IHO1: variants seen among roughly 807,000 people sequenced by gnomAD.
IHO1 encodes the protein interactor of HORMAD1 1.
In IHO1, 13 loss-of-function variants were observed where a neutral mutation model predicts 31.0. The ratio of observed to expected loss-of-function variants is 0.42; its 90% CI spans 0.27 to 0.67. The LOEUF is 0.67. IHO1 is among the 30% of genes least tolerant of loss of function. IHO1 has a pLI of 0.24. For synonymous variants in IHO1, 221 were observed against 248.4 expected (o/e 0.89, Z 1.04); for missense variants, 599 against 687.5 (o/e 0.87, Z 1.44).
the IHO1 span, chr3:49,191,783 G>A: frequency 6.4e-7 from 1 of 1,553,866 alleles, no homozygotes; most frequent in Non-Finnish European, 8.6e-7. Flanking sequence ...TTTCCAAGAA[G>A]GGAGCAGAAA....
At chr3:49,201,036 C>G (rs527373220) in intron 1 of IHO1, among the ~76,000 whole-genome samples, 1 of 151,348 alleles carries the variant, frequency 6.6e-6, no homozygotes, top group Non-Finnish European at 1.5e-5. Flanking sequence ...CTTTGTTGCC[C>G]AGGCTGGAGT....
chr3:49,205,587 C>T (rs1575563557), intron 1 of IHO1, among the ~76,000 whole-genome samples: 1 of 151,242 alleles, frequency 6.6e-6, no homozygotes, highest in East Asian at 1.9e-4. Context: ...ACCACTATGC[C>T]TGGCCGTAAT....
upstream of IHO1, among the ~76,000 whole-genome samples, chr3:49,195,908 G>A (rs1445884778): frequency 6.6e-6 from 1 of 150,962 alleles, no homozygotes; most frequent in African/African-American, 2.4e-5. Flanking sequence ...AGACCATCCT[G>A]GCTAACACAG....
intron 1 of IHO1, among the ~76,000 whole-genome samples, chr3:49,209,648 G>T (rs911980678): frequency 6.6e-5 from 10 of 151,658 alleles, no homozygotes; most frequent in South Asian, 4.2e-4. Flanking sequence ...AAAAAAAAAG[G>T]CTTGTATTTC....
intron 1 of IHO1, among the ~76,000 whole-genome samples, chr3:49,200,887 G>C (rs892831137): frequency 4.6e-5 from 7 of 152,148 alleles, no homozygotes; most frequent in Admixed American, 4.6e-4. Context: ...AGCCTATACA[G>C]GTAGCATGGA....
chr3:49,257,569 G>A lies in IHO1; in HGVS notation c.*287G>A. On this transcript the variant is annotated 3_prime_UTR_variant, in exon 8 of 8. Coordinates refer to ENST00000452691, the MANE Select transcript of IHO1 (RefSeq NM_001135197.2). ...GTGGGGCATCTGGAGCAGGGTGCCTGTACTTTGGCGAAAGGCAGGCAGGCC... is the reference window on the plus strand; with the variant it reads ...GTGGGGCATCTGGAGCAGGGTGCCTATACTTTGGCGAAAGGCAGGCAGGCC... The A allele has an allele frequency of 2.8e-6, 1 of 353,942 alleles. No homozygotes were observed. The highest frequency in any genetic ancestry group is 5.2e-6 in the Non-Finnish European group (1 of 191,226). The allele number at this position is 353,942 out of a possible 1,614,324, so 21.9% of individuals were successfully genotyped here.
chr3:49,256,632 A>G lies in IHO1; in HGVS notation c.1135A>G (p.Ile379Val). Residue 379 changes from isoleucine (I) to valine (V), a missense_variant, in exon 8 of 8, where the codon ATT (isoleucine) becomes GTT (valine). Physicochemically the swap from Ile to Val is conservative, Grantham distance 29. Coordinates refer to ENST00000452691, the MANE Select transcript of IHO1 (RefSeq NM_001135197.2). This position sits in a 1 kb window ranked among gnomAD's most constrained non-coding sequence, Gnocchi z 4.6. ...TGGTTCCAGCGTCCCAGGCCATAAG[A>G]TTCCCAGTGACAGGGACCTGGTTTC... ...NHGSSVPGHKIPSDRDLVSQG... is the reference protein window; with the variant it reads ...NHGSSVPGHKVPSDRDLVSQG... 4 of 1,614,238 alleles carry G rather than the reference A, an allele frequency of 2.5e-6. No homozygotes were observed. Among genetic ancestry groups the G allele is most frequent in the Non-Finnish European group, 3.4e-6 (4 of 1,180,040 alleles).
At chr3:49,247,396 A>AT (rs1559451937) in intron 6 of IHO1, among the ~76,000 whole-genome samples, 1 of 148,136 alleles carries the variant, frequency 6.8e-6, no homozygotes, top group East Asian at 2.1e-4. Flanking sequence ...ACACCTGGCT[A>AT]TTTTTTTGTA....
chr3:49,255,364 G>A, intron 6 of IHO1, 26 bp from the exon 7 acceptor site: 1 of 1,504,088 alleles, frequency 6.6e-7, no homozygotes, highest in Non-Finnish European at 9.1e-7. Flanking sequence ...TCTTCAGGAG[G>A]TGAACTGTCA....
At chr3:49,191,612 AG>A in the IHO1 span, 1 of 941,188 alleles carries the variant, frequency 1.1e-6, no homozygotes, top group South Asian at 1.3e-5. Context: ...GTGGAGAGGA[AG>A]TGGGCGGCTC....
chr3:49,236,760 A>G, intron 3 of IHO1, 38 bp downstream of exon 3: 3 of 1,577,020 alleles, frequency 1.9e-6, no homozygotes, highest in Non-Finnish European at 2.6e-6. Flanking sequence ...CACACATTTC[A>G]CAGTCATTAT....
In IHO1 at chr3:49,257,525, CTG is replaced by C; in HGVS notation, c.*244_*245del. ...AATGTGAAAATGGTGCTGATGAAAA[CTG>C]AGGCAGCAGCCTGGTTGTGGGGCAT... On this transcript the variant is annotated 3_prime_UTR_variant, in exon 8 of 8. Coordinates refer to ENST00000452691, the MANE Select transcript of IHO1 (RefSeq NM_001135197.2). 1 of 452,676 alleles carries C rather than the reference CTG, an allele frequency of 2.2e-6. No individual in the cohort carries two copies. The highest frequency in any genetic ancestry group is 2.7e-5 in the South Asian group (1 of 37,482). The allele number at this position is 452,676 out of a possible 1,614,324, so 28.0% of individuals were successfully genotyped here.
chr3:49,239,958 GC>G, intron 3 of IHO1, among the ~76,000 whole-genome samples: 1 of 152,232 alleles, frequency 6.6e-6, no homozygotes. Flanking sequence ...ACTGTGCCCA[GC>G]CTGGGCTCAA....
chr3:49,225,365 A>T (rs537562500), intron 2 of IHO1, among the ~76,000 whole-genome samples: 1 of 152,146 alleles, frequency 6.6e-6, no homozygotes, highest in Non-Finnish European at 1.5e-5. Flanking sequence ...CAGGAGGCTG[A>T]GGCAGGAGAA....
chr3:49,240,638 G>A (rs1286165167), intron 3 of IHO1, among the ~76,000 whole-genome samples: 1 of 152,178 alleles, frequency 6.6e-6, no homozygotes, highest in African/African-American at 2.4e-5. Flanking sequence ...TGGGAGTACA[G>A]GGGTGAGCCA....
At chr3:49,231,134 C>T (rs1458497525) in intron 2 of IHO1, among the ~76,000 whole-genome samples, 1 of 152,156 alleles carries the variant, frequency 6.6e-6, no homozygotes, top group Non-Finnish European at 1.5e-5. Flanking sequence ...TTATTTGGAT[C>T]AAATCGCTAC....
At chr3:49,237,175 C>A (rs1198215774) in intron 3 of IHO1, among the ~76,000 whole-genome samples, 1 of 151,988 alleles carries the variant, frequency 6.6e-6, no homozygotes, top group Non-Finnish European at 1.5e-5. Context: ...TGGTGGAACC[C>A]CGCCTCTACT....
chr3:49,243,940 C>CT (rs1176268885), intron 4 of IHO1, among the ~76,000 whole-genome samples: 83 of 138,960 alleles, frequency 6.0e-4, no homozygotes, highest in African/African-American at 5.8e-4. Flanking sequence ...TGTGTTCTCT[C>CT]TTTTTTTTTT....
chr3:49,244,065 C>T (rs1217039479), intron 4 of IHO1, among the ~76,000 whole-genome samples: 1 of 151,670 alleles, frequency 6.6e-6, no homozygotes, highest in Non-Finnish European at 1.5e-5. Flanking sequence ...AGGAATTCTC[C>T]TGTCTCAGCC....
Sources: gnomAD v4.1 joint callset for allele counts (sites outside exome capture counted in the v4.1 genomes callset) on GRCh38, gnomAD v4.1.1 for gene constraint, Gnocchi (gnomAD v3.1) non-coding constraint, MANE v1.5 for transcripts, NCBI Gene and HGNC (gene_info 2026-07-23, HGNC 2026-07-21) for gene names.